Variants in ZNF75D observed in about 807,000 individuals in gnomAD.
The protein encoded by ZNF75D is zinc finger protein 75.
Under a neutral mutation model 33.3 loss-of-function variants are expected in ZNF75D, and 33 were observed. That is an observed-to-expected ratio of 0.99 (90% CI 0.75 to 1.32). ZNF75D has a LOEUF of 1.32. Ranked by LOEUF, ZNF75D falls within the 40% of genes most tolerant of loss-of-function variation. The pLI, the probability that ZNF75D is intolerant of heterozygous loss-of-function variation, is 0.00. For missense variants in ZNF75D, 338 were observed against 367.5 expected (o/e 0.92, Z 0.66); for synonymous variants, 113 against 130.6 (o/e 0.87, Z 0.92).
At chrX:135,339,014 A>G (rs902467503) in intron 1 of ZNF75D, among the ~76,000 whole-genome samples, 1 of 102,065 alleles carries the variant, frequency 9.8e-6, no homozygotes, top group Admixed American at 1.1e-4. Flanking sequence ...TCCCTACCCA[A>G]TCCTCACTTC....
intron 1 of ZNF75D, among the ~76,000 whole-genome samples, chrX:135,322,547 CAGAT>C (rs782230622): frequency 1.8e-4 from 20 of 111,981 alleles, no homozygotes; most frequent in Admixed American, 4.7e-4. Flanking sequence ...GGTAGATAGA[CAGAT>C]AGATAGACAG....
intron 1 of ZNF75D, among the ~76,000 whole-genome samples, chrX:135,304,605 G>A (rs1208025455): frequency 1.8e-5 from 2 of 112,218 alleles, no homozygotes; most frequent in African/African-American, 3.2e-5. Flanking sequence ...CTTTTCCCCA[G>A]GGGGAAGATT....
At chrX:135,338,200 C>G (rs1293104652) in intron 1 of ZNF75D, among the ~76,000 whole-genome samples, 3 of 111,076 alleles carry the variant, frequency 2.7e-5, no homozygotes, top group African/African-American at 9.8e-5. Context: ...CATTCCTTCC[C>G]CTTCCTGTTC....
chrX:135,324,725 C>A (rs1395909792), intron 1 of ZNF75D, among the ~76,000 whole-genome samples: 1 of 112,187 alleles, frequency 8.9e-6, no homozygotes, highest in African/African-American at 3.2e-5. Context: ...GGGCTTCAGG[C>A]CCAGATGCCC....
At chrX:135,253,200 A>T in intron 2 of ZNF75D, 1 of 277,658 alleles carries the variant, frequency 3.6e-6, no homozygotes, top group Admixed American at 6.8e-5. Flanking sequence ...GGTACACTTG[A>T]TTACCTAGAA....
downstream of ZNF75D, chrX:135,285,647 G>A (rs1237104938): frequency 1.8e-5 from 2 of 112,246 alleles, no homozygotes; most frequent in African/African-American, 6.5e-5. Context: ...TCACATGTGT[G>A]CATTTAATCC....
chrX:135,292,068 T>C (rs782500636), intron 4 of ZNF75D, among the ~76,000 whole-genome samples: 1 of 111,270 alleles, frequency 9.0e-6, no homozygotes, highest in East Asian at 2.8e-4. Flanking sequence ...AGGAGTAGAG[T>C]CTATAGTGTG....
rs543514116 is a variant in ZNF75D at position 135,278,015 on chromosome X, A to G, written n.828-22238T>C. On this transcript the variant is annotated intron_variant and non_coding_transcript_variant, in intron 1 of 3. Transcript: ENST00000494295. ...TAAAATTTAAAGTAGTTTTTTTTCTAATTCTGTGAAGAAAGTCAATGGTAG... is the reference window on the plus strand; with the variant it reads ...TAAAATTTAAAGTAGTTTTTTTTCTGATTCTGTGAAGAAAGTCAATGGTAG... Among the ~76,000 whole-genome samples, 4 of 111,787 alleles carry G rather than the reference A, an allele frequency of 3.6e-5. No individual in the cohort carries two copies. The Admixed American group carries it at 3.8e-4, about 11-fold the overall frequency.
chrX:135,266,543 G>A (rs1412645192), intron 1 of ZNF75D, among the ~76,000 whole-genome samples: 1 of 111,508 alleles, frequency 9.0e-6, no homozygotes, highest in Non-Finnish European at 1.9e-5. Context: ...AGGTCCTTAT[G>A]TAATGATAAA....
intron 1 of ZNF75D, among the ~76,000 whole-genome samples, chrX:135,280,241 CCTT>C (rs2083915121): frequency 9.0e-6 from 1 of 111,558 alleles, no homozygotes; most frequent in African/African-American, 3.3e-5. Flanking sequence ...CATGTAACGC[CCTT>C]CTTTGTCTTT....
In ZNF75D at chrX:135,287,456, C is replaced by A. The variant is rs2148467353; in HGVS notation, c.1214G>T (p.Ser405Ile). Residue 405 changes from serine (S) to isoleucine (I), a missense_variant, in exon 7 of 7, where the codon AGT becomes ATT. Around this residue, in one of 3 missense-constraint regions of ZNF75D, gnomAD observed 79 missense variants for 80.1 expected, o/e 0.99. Coordinates refer to ENST00000370766, the MANE Select transcript of ZNF75D (RefSeq NM_007131.5). Reference protein sequence around the residue: ...CQQCDRRFRWSSDLNKHFMTH... With the variant: ...CQQCDRRFRWISDLNKHFMTH... ...CATGAAGTGCTTATTAAGATCTGAA[C>A]TCCATCTAAACCTCCTGTCACATTG... 2.5e-6 allele frequency: 3 copies of A among 1,211,480 alleles called. No homozygotes were observed. The highest frequency in any genetic ancestry group is 3.5e-5 in the South Asian group (2 of 56,892).
rs1054586600 is a variant in ZNF75D, at chrX:135,341,926, G to C, written c.-549C>G. 1.8e-5 allele frequency: 2 copies of C among 111,951 alleles called. No homozygotes were observed. The highest frequency in any genetic ancestry group is 3.8e-5 in the Non-Finnish European group (2 of 53,191). 9.2% of individuals were successfully genotyped at this position (111,951 alleles called of 1,213,427 possible). A position where few individuals can be genotyped will look rare whatever the true frequency, so the allele number is the denominator to read the frequency against. On this transcript the variant is annotated 5_prime_UTR_variant, in exon 1 of 7. Coordinates refer to ENST00000370766, the MANE Select transcript of ZNF75D (RefSeq NM_007131.5). ...CCCTGGAACCTAGTATGTACCTCTT[G>C]ACCTTGAAAATGCTTTTTTTCTCAA...
chrX:135,295,558 G>A (rs975342905), intron 2 of ZNF75D, among the ~76,000 whole-genome samples: 21 of 112,023 alleles, frequency 1.9e-4, no homozygotes, highest in African/African-American at 6.8e-4. Flanking sequence ...CTGCGGCCAG[G>A]CGGCCTCGCT....
chrX:135,326,175 C>T (rs1461744391), intron 1 of ZNF75D, among the ~76,000 whole-genome samples: 4 of 110,309 alleles, frequency 3.6e-5, no homozygotes, highest in Admixed American at 9.5e-5. Flanking sequence ...TGTGAGTGCA[C>T]GAATCGACAC....
chrX:135,289,965 G>T (rs1474001074), intron 6 of ZNF75D, among the ~76,000 whole-genome samples: 1 of 111,885 alleles, frequency 8.9e-6, no homozygotes, highest in Non-Finnish European at 1.9e-5. Context: ...CATACTAAGT[G>T]AATCATGATA....
At chrX:135,337,265 C>T (rs1278478054) in intron 1 of ZNF75D, among the ~76,000 whole-genome samples, 1 of 111,997 alleles carries the variant, frequency 8.9e-6, no homozygotes, top group Non-Finnish European at 1.9e-5. Context: ...AGTCATTACA[C>T]TGTTATTACT....
chrX:135,280,544 T>G (rs527935775), intron 1 of ZNF75D, among the ~76,000 whole-genome samples: 3 of 111,934 alleles, frequency 2.7e-5, no homozygotes, highest in African/African-American at 9.7e-5. Context: ...TGCCAGCTGG[T>G]TATTTTGCCC....
intron 1 of ZNF75D, among the ~76,000 whole-genome samples, chrX:135,317,465 G>GGATGCCAGTA (rs2084435063): frequency 9.0e-6 from 1 of 111,404 alleles, no homozygotes; most frequent in South Asian, 3.8e-4. Flanking sequence ...TAGCTTACTT[G>GGATGCCAGTA]GATGCCAGTA....
At chrX:135,268,479 G>A (rs1445901717) in intron 1 of ZNF75D, among the ~76,000 whole-genome samples, 1 of 109,568 alleles carries the variant, frequency 9.1e-6, no homozygotes, top group African/African-American at 3.3e-5. Context: ...ATATGAAGAA[G>A]TCAATAATTA....
Sources: gnomAD v4.1 joint callset for allele counts (sites outside exome capture counted in the v4.1 genomes callset) on GRCh38, gnomAD v4.1.1 for gene constraint, gnomAD v4.1.1 regional missense constraint, MANE v1.5 for transcripts, NCBI Gene and HGNC (gene_info 2026-07-23, HGNC 2026-07-21) for gene names.